ZEB1: variants seen among roughly 807,000 people sequenced by gnomAD.
ZEB1 encodes zinc finger E-box-binding homeobox 1.
In ZEB1, 21 loss-of-function variants were observed where a neutral mutation model predicts 84.9. The observed-to-expected ratio is 0.25, with a 90% CI of 0.18 to 0.36. The LOEUF (loss-of-function observed/expected upper bound fraction) is 0.36. ZEB1 is among the 10% of genes least tolerant of loss of function. ZEB1 has a pLI of 1.00. For synonymous variants in ZEB1, 420 were observed against 471.1 expected (o/e 0.89, Z 1.41); for missense variants, 1,104 against 1,330.2 (o/e 0.83, Z 2.65).
intron 2 of ZEB1, among the ~76,000 whole-genome samples, chr10:31,472,118 C>G (rs1164252319): frequency 6.6e-6 from 1 of 150,578 alleles, no homozygotes; most frequent in Non-Finnish European, 1.5e-5. Flanking sequence ...AGGAAAGACC[C>G]AAAATTGACA....
intron 2 of ZEB1, among the ~76,000 whole-genome samples, chr10:31,474,976 C>A (rs1283743965): frequency 1.3e-5 from 2 of 151,554 alleles, no homozygotes; most frequent in East Asian, 3.9e-4. Flanking sequence ...AAATCAAACA[C>A]CGCATATTCT....
At chr10:31,511,672 G>A (rs761674766) in intron 5 of ZEB1, among the ~76,000 whole-genome samples, 4 of 151,912 alleles carry the variant, frequency 2.6e-5, no homozygotes, top group African/African-American at 9.7e-5. Context: ...TACATGTTGG[G>A]GTTAGGCCAC....
intron 1 of ZEB1, among the ~76,000 whole-genome samples, chr10:31,427,133 C>A (rs115117326): frequency 0.01 from 1,477 of 147,186 alleles, 21 homozygotes; most frequent in African/African-American, 0.035. Context: ...TGTCGTAATT[C>A]AAAAAAAAAA....
At chr10:31,478,864 A>G (rs778439712) in intron 2 of ZEB1, among the ~76,000 whole-genome samples, 1 of 151,734 alleles carries the variant, frequency 6.6e-6, no homozygotes, top group African/African-American at 2.4e-5. Flanking sequence ...AAAAAGGGGG[A>G]AGGTAAAAGG....
intron 1 of ZEB1, among the ~76,000 whole-genome samples, chr10:31,372,708 G>A (rs540217776): frequency 1.5e-3 from 235 of 152,100 alleles, no homozygotes; most frequent in Middle Eastern, 0.014. Flanking sequence ...TGAAGGCAGT[G>A]CTTGACAGAA....
intron 2 of ZEB1, among the ~76,000 whole-genome samples, chr10:31,486,103 G>A (rs1382175154): frequency 6.6e-6 from 1 of 151,648 alleles, no homozygotes; most frequent in Non-Finnish European, 1.5e-5. Context: ...TTCATTGTAT[G>A]GGTGTGCCAC....
At chr10:31,416,646 C>T (rs530328894) in intron 1 of ZEB1, among the ~76,000 whole-genome samples, 83 of 152,194 alleles carry the variant, frequency 5.5e-4, no homozygotes, top group African/African-American at 2.0e-3. Flanking sequence ...TATCAAAGTG[C>T]TTTATAAAGA....
At position 31,364,839 on chromosome 10, in the gene ZEB1, A is replaced by T. The variant is rs576046798; in HGVS notation, c.58+45547A>T. ...AGCATCTATTCTTATTTTTTCATGT[A>T]GTCCTGGGGTACTTAGCACCGTGGC... is the stretch of plus-strand genomic sequence containing the variant. On this transcript the variant is annotated intron_variant, in intron 1 of 8. Transcript: ENST00000424869. Among the ~76,000 whole-genome samples, 6 of 152,298 alleles carry T rather than the reference A, an allele frequency of 3.9e-5. No individual in the cohort carries two copies. The South Asian group carries it at 1.2e-3, about 32-fold the overall frequency.
At chr10:31,446,976 T>G (rs188806937) in intron 1 of ZEB1, among the ~76,000 whole-genome samples, 1 of 151,642 alleles carries the variant, frequency 6.6e-6, no homozygotes, top group Non-Finnish European at 1.5e-5. Flanking sequence ...CCTTGTTGAC[T>G]TTCTGTCTCG....
chr10:31,502,237 A>G, intron 3 of ZEB1, 111 bp from the exon 4 acceptor site: 2 of 1,064,014 alleles, frequency 1.9e-6, no homozygotes, highest in Non-Finnish European at 2.7e-6. Context: ...TATTTTCTGC[A>G]GATTCAAGAA....
chr10:31,368,644 T>G (rs2045065215), intron 1 of ZEB1, among the ~76,000 whole-genome samples: 1 of 152,234 alleles, frequency 6.6e-6, no homozygotes, highest in Admixed American at 6.5e-5. Flanking sequence ...TTAATGTAAT[T>G]CAAGTAAAAC....
intron 1 of ZEB1, among the ~76,000 whole-genome samples, chr10:31,385,421 A>AT (rs1467570142): frequency 1.3e-5 from 2 of 152,086 alleles, no homozygotes; most frequent in African/African-American, 2.4e-5. Flanking sequence ...TACATGTTAG[A>AT]TTTTTTTAAA....
chr10:31,326,831 A>G (rs2035598875), intron 1 of ZEB1, among the ~76,000 whole-genome samples: 3 of 152,202 alleles, frequency 2.0e-5, no homozygotes, highest in South Asian at 2.1e-4. Context: ...TGATGTAGTT[A>G]TATCACTTAA....
intron 1 of ZEB1, among the ~76,000 whole-genome samples, chr10:31,400,256 C>T (rs921025947): frequency 6.6e-6 from 1 of 152,112 alleles, no homozygotes; most frequent in African/African-American, 2.4e-5. Context: ...ACGTTATACA[C>T]TTAGTTAATA....
intron 1 of ZEB1, among the ~76,000 whole-genome samples, chr10:31,412,463 A>G (rs910143954): frequency 6.6e-5 from 10 of 152,074 alleles, no homozygotes; most frequent in Non-Finnish European, 1.3e-4. Flanking sequence ...CCTGTGTCCA[A>G]GTGTTCTCAT....
intron 1 of ZEB1, among the ~76,000 whole-genome samples, chr10:31,346,867 T>G (rs2040408462): frequency 6.6e-6 from 1 of 152,152 alleles, no homozygotes; most frequent in African/African-American, 2.4e-5. Flanking sequence ...GCTAATTAAG[T>G]CTTTTCCTTG....
At chr10:31,462,086 C>G (rs888188966) in intron 2 of ZEB1, among the ~76,000 whole-genome samples, 2 of 152,046 alleles carry the variant, frequency 1.3e-5, no homozygotes, top group South Asian at 2.1e-4. Context: ...AATTCAAGTT[C>G]AAAGAGGTCG....
intron 1 of ZEB1, among the ~76,000 whole-genome samples, chr10:31,411,397 C>T (rs1011538975): frequency 2.0e-5 from 3 of 152,046 alleles, no homozygotes; most frequent in Admixed American, 1.3e-4. Context: ...TTTGGGAGGC[C>T]GAGGCGAGTG....
intron 8 of ZEB1, among the ~76,000 whole-genome samples, chr10:31,525,249 C>T (rs1342266439): frequency 6.6e-6 from 1 of 152,200 alleles, no homozygotes; most frequent in Non-Finnish European, 1.5e-5. Context: ...ATTTGGCCTG[C>T]AAAGCCTTTA....
Sources: gnomAD v4.1 joint callset for allele counts (sites outside exome capture counted in the v4.1 genomes callset) on GRCh38, gnomAD v4.1.1 for gene constraint, MANE v1.5 for transcripts, NCBI Gene and HGNC (gene_info 2026-07-23, HGNC 2026-07-21) for gene names.